Variants in LDAH observed in about 807,000 individuals in gnomAD.
LDAH encodes the protein lipid droplet associated hydrolase.
A neutral mutation model predicts 29.6 loss-of-function variants in LDAH; 26 were observed. The observed-to-expected ratio is 0.88, with a 90% CI of 0.64 to 1.22. The LOEUF is 1.22. LDAH is among the 50% of genes most tolerant of loss of function. The probability of loss-of-function intolerance (pLI) is 0.00; values close to 1 mark genes in which losing one functional copy is unlikely to be tolerated. For synonymous variants in LDAH, 117 were observed against 133.0 expected (o/e 0.88, Z 0.83); for missense variants, 344 against 387.3 (o/e 0.89, Z 0.94).
In LDAH at chr2:20,689,990, T is replaced by G. The variant is rs147198111; in HGVS notation, c.787-2896A>C. On this transcript the variant is annotated intron_variant, in intron 6 of 6. Coordinates refer to ENST00000237822, the MANE Select transcript of LDAH (RefSeq NM_021925.4). ...GTTTCCTCAACAAGAAAAGCGTCACTGTACGCACCGCTGTTGCTTTCTGTC... is the reference window on the plus strand; with the variant it reads ...GTTTCCTCAACAAGAAAAGCGTCACGGTACGCACCGCTGTTGCTTTCTGTC... Among the ~76,000 whole-genome samples the G allele has an allele frequency of 1.6e-4, 25 of 152,370 alleles. 1 individual carries two copies. In the East Asian group the frequency reaches 4.8e-3, roughly 29 times the overall value.
intron 5 of LDAH, among the ~76,000 whole-genome samples, chr2:20,717,608 T>C (rs1477763016): frequency 6.6e-6 from 1 of 152,244 alleles, no homozygotes; most frequent in South Asian, 2.1e-4. Context: ...TTGATTTACA[T>C]GCTTTTCTGC....
At chr2:20,695,790 G>A (rs1305703727) in intron 6 of LDAH, among the ~76,000 whole-genome samples, 2 of 152,146 alleles carry the variant, frequency 1.3e-5, no homozygotes, top group African/African-American at 2.4e-5. Context: ...ATGAATTATA[G>A]CATATTTTTG....
At chr2:20,805,737 T>C (rs1467681170) in intron 1 of LDAH, among the ~76,000 whole-genome samples, 1 of 152,272 alleles carries the variant, frequency 6.6e-6, no homozygotes, top group East Asian at 1.9e-4. Flanking sequence ...TTTTTCCAAT[T>C]AAATCTCATA....
At chr2:20,809,519 T>C (rs934522813) in intron 1 of LDAH, among the ~76,000 whole-genome samples, 12 of 152,250 alleles carry the variant, frequency 7.9e-5, no homozygotes, top group African/African-American at 2.6e-4. Flanking sequence ...ACTATACATA[T>C]ACACACACAC....
intron 1 of LDAH, among the ~76,000 whole-genome samples, chr2:20,821,061 A>G (rs1013919564): frequency 2.2e-4 from 34 of 152,172 alleles, no homozygotes; most frequent in Admixed American, 1.0e-3. Context: ...CAAAACTACA[A>G]TGAGACATCT....
At chr2:20,800,161 G>T (rs530844022) in intron 2 of LDAH, among the ~76,000 whole-genome samples, 2 of 152,276 alleles carry the variant, frequency 1.3e-5, no homozygotes, top group East Asian at 3.9e-4. Flanking sequence ...AATACTAGAA[G>T]ACATGGCAGA....
chr2:20,812,364 T>C (rs773984103), intron 1 of LDAH, among the ~76,000 whole-genome samples: 24 of 152,220 alleles, frequency 1.6e-4, no homozygotes, highest in Non-Finnish European at 2.9e-4. Flanking sequence ...GGAGATTACA[T>C]CCACTTCGAG....
In LDAH at chr2:20,684,672, A is replaced by G. The variant is rs1662437736; in HGVS notation, c.*2231T>C. 3 of 471,780 alleles carry G rather than the reference A, an allele frequency of 6.4e-6. No homozygotes were observed. The highest frequency in any genetic ancestry group is 4.1e-5 in the Admixed American group (1 of 24,318). The allele number at this position is 471,780 out of a possible 1,614,324, so 29.2% of individuals were successfully genotyped here. A position where few individuals can be genotyped will look rare whatever the true frequency, so the allele number is the denominator to read the frequency against. On this transcript the variant is annotated 3_prime_UTR_variant, in exon 7 of 7. Transcript: ENST00000237822. ...ATGGACATCAGGCCACACAAGCCAC[A>G]GAGGGCTTGTGGAGATGCTTATGGC...
At chr2:20,783,964 C>T (rs925928651) in intron 3 of LDAH, among the ~76,000 whole-genome samples, 2 of 152,154 alleles carry the variant, frequency 1.3e-5, no homozygotes, top group East Asian at 1.9e-4. Context: ...CTGTTGACCT[C>T]GTCCTCCCAA....
chr2:20,693,943 T>A (rs1421924484), intron 6 of LDAH, among the ~76,000 whole-genome samples: 1 of 152,258 alleles, frequency 6.6e-6, no homozygotes, highest in Non-Finnish European at 1.5e-5. Context: ...GAGAGATCTA[T>A]CTTCTTGGCC....
intron 4 of LDAH, among the ~76,000 whole-genome samples, chr2:20,751,622 TC>T (rs1485809392): frequency 1.3e-5 from 2 of 152,218 alleles, no homozygotes; most frequent in African/African-American, 2.4e-5. Context: ...TTTAACTTAT[TC>T]TAATAACTTA....
chr2:20,694,213 C>T (rs1293681220), intron 6 of LDAH, among the ~76,000 whole-genome samples: 2 of 152,170 alleles, frequency 1.3e-5, no homozygotes, highest in Non-Finnish European at 2.9e-5. Context: ...TTCCCGGGCT[C>T]GGGATATAAA....
At chr2:20,787,481 A>G (rs1243989288) in intron 3 of LDAH, among the ~76,000 whole-genome samples, 1 of 152,066 alleles carries the variant, frequency 6.6e-6, no homozygotes, top group Non-Finnish European at 1.5e-5. Flanking sequence ...TTTAGTAGAG[A>G]TGCAGTTTTG....
At chr2:20,769,110 G>A (rs1012161936) in intron 4 of LDAH, among the ~76,000 whole-genome samples, 3 of 151,940 alleles carry the variant, frequency 2.0e-5, no homozygotes, top group African/African-American at 2.4e-5. Context: ...CCCTCTCCCC[G>A]TGCCCAGTGA....
chr2:20,707,315 G>A (rs900976092), intron 5 of LDAH, among the ~76,000 whole-genome samples: 6 of 152,174 alleles, frequency 3.9e-5, no homozygotes, highest in African/African-American at 1.2e-4. Flanking sequence ...AAGGCTCTGG[G>A]CCATGCTCTC....
chr2:20,784,354 T>A (rs934781901), intron 3 of LDAH, among the ~76,000 whole-genome samples: 1 of 152,004 alleles, frequency 6.6e-6, no homozygotes, highest in Non-Finnish European at 1.5e-5. Flanking sequence ...CTACAGTTAG[T>A]CTCGTTGGCA....
intron 6 of LDAH, among the ~76,000 whole-genome samples, chr2:20,688,095 T>C (rs2149323143): frequency 6.6e-6 from 1 of 152,252 alleles, no homozygotes; most frequent in Non-Finnish European, 1.5e-5. Context: ...ACCTACTTTG[T>C]ATTAGGAACC....
intron 6 of LDAH, 65 bp from the exon 7 acceptor site, chr2:20,687,159 C>A: frequency 7.4e-7 from 1 of 1,346,460 alleles, no homozygotes; most frequent in Non-Finnish European, 1.0e-6. Context: ...GATATGACAC[C>A]AGCAGCCGGC....
intron 1 of LDAH, among the ~76,000 whole-genome samples, chr2:20,812,833 A>C (rs1295146924): frequency 6.6e-6 from 1 of 152,238 alleles, no homozygotes; most frequent in Non-Finnish European, 1.5e-5. Context: ...CTAATAACTG[A>C]GAGTGCTTTC....
Sources: allele counts gnomAD v4.1 joint callset (sites outside exome capture counted in the v4.1 genomes callset), GRCh38; gene constraint gnomAD v4.1.1; transcripts MANE v1.5; gene names NCBI Gene and HGNC (gene_info 2026-07-23, HGNC 2026-07-21).